The following AK5 variants were observed in gnomAD, a reference collection of about 807,000 sequenced individuals.
The protein encoded by AK5 is adenylate kinase 5, also known as adenylate kinase isoenzyme 5.
A neutral mutation model predicts 69.5 loss-of-function variants in AK5; 27 were observed. The observed-to-expected ratio is 0.39, with a 90% CI of 0.29 to 0.54. The LOEUF is 0.54. Among genes scored for constraint, AK5 ranks in the 20% least tolerant of loss-of-function variants. The pLI is 0.71. For synonymous variants in AK5, 260 were observed against 244.4 expected (o/e 1.06, Z -0.60); for missense variants, 531 against 700.4 (o/e 0.76, Z 2.73).
chr1:77,439,901 A>G (rs1023439100), intron 8 of AK5, among the ~76,000 whole-genome samples: 1 of 150,476 alleles, frequency 6.6e-6, no homozygotes, highest in African/African-American at 2.5e-5. Context: ...TATTGTAAAC[A>G]GTGCTGCAAT....
At chr1:77,454,809 G>A (rs1653372414) in intron 8 of AK5, among the ~76,000 whole-genome samples, 1 of 147,570 alleles carries the variant, frequency 6.8e-6, no homozygotes, top group Admixed American at 6.8e-5. Flanking sequence ...AAATGGATAT[G>A]TTCTCTCTCA....
At position 77,358,018 on chromosome 1, in the gene AK5, T is replaced by TGTGTGTGTGTGAGAGAGAGAGA. The variant is rs762714026; in HGVS notation, c.891+17451_891+17452insTGTGTGTGTGAGAGAGAGAGAG. On this transcript the variant is annotated intron_variant, in intron 6 of 13. Transcript: ENST00000354567. Reference sequence around the variant, plus strand: ...GTGTGTGTGTGTGTGTGTGTGTGTGTGAGAGAGAGAGAGAGAGAGAGACAG... The same window carrying TGTGTGTGTGTGAGAGAGAGAGA: ...GTGTGTGTGTGTGTGTGTGTGTGTGTGTGTGTGTGTGAGAGAGAGAGAGAGAGAGAGAGAGAGAGAGAGACAG... 4.7e-4 allele frequency among the ~76,000 whole-genome samples: 60 copies of TGTGTGTGTGTGAGAGAGAGAGA among 128,268 alleles called. 2 individuals are homozygous for TGTGTGTGTGTGAGAGAGAGAGA. The South Asian group carries it at 5.4e-3, about 12-fold the overall frequency. 84.1% of individuals were successfully genotyped at this position (128,268 alleles called of 152,430 possible).
intron 6 of AK5, among the ~76,000 whole-genome samples, chr1:77,351,378 G>C (rs933435916): frequency 2.0e-5 from 3 of 152,150 alleles, no homozygotes; most frequent in Non-Finnish European, 4.4e-5. Context: ...CTGGGCAACA[G>C]AGCAAGACCC....
intron 2 of AK5, among the ~76,000 whole-genome samples, chr1:77,289,308 T>C (rs1371428082): frequency 1.3e-5 from 2 of 152,176 alleles, no homozygotes; most frequent in African/African-American, 2.4e-5. Flanking sequence ...AATACATTAC[T>C]GCTTTAGTGA....
chr1:77,494,162 T>G (rs562769528), intron 10 of AK5, among the ~76,000 whole-genome samples: 1 of 152,256 alleles, frequency 6.6e-6, no homozygotes, highest in Non-Finnish European at 1.5e-5. Flanking sequence ...ATACTCATTG[T>G]GTCCCTACCC....
At chr1:77,544,650 G>T (rs1051575933) in intron 13 of AK5, among the ~76,000 whole-genome samples, 1 of 151,640 alleles carries the variant, frequency 6.6e-6, no homozygotes, top group Non-Finnish European at 1.5e-5. Flanking sequence ...CTTTACCTCC[G>T]TATCTTGCCC....
intron 6 of AK5, among the ~76,000 whole-genome samples, chr1:77,386,719 C>A (rs1273008396): frequency 6.6e-6 from 1 of 152,158 alleles, no homozygotes; most frequent in African/African-American, 2.4e-5. Context: ...CAGAGGTATT[C>A]AGGGCATCCA....
At chr1:77,448,999 G>T (rs1052550343) in intron 8 of AK5, among the ~76,000 whole-genome samples, 2 of 152,224 alleles carry the variant, frequency 1.3e-5, no homozygotes, top group Non-Finnish European at 2.9e-5. Context: ...GGAGAAGTTT[G>T]CTGCAGGGGC....
chr1:77,308,865 A>G (rs1659790272), intron 5 of AK5, among the ~76,000 whole-genome samples: 1 of 152,082 alleles, frequency 6.6e-6, no homozygotes, highest in South Asian at 2.1e-4. Flanking sequence ...GCTACTCGGA[A>G]GGCTGAGGTG....
At chr1:77,365,141 A>G (rs531125150) in intron 6 of AK5, among the ~76,000 whole-genome samples, 1 of 151,856 alleles carries the variant, frequency 6.6e-6, no homozygotes, top group Middle Eastern at 3.4e-3. Context: ...ATTTTTTCAT[A>G]TATTTGTTGG....
intron 10 of AK5, among the ~76,000 whole-genome samples, chr1:77,500,592 G>A (rs1005784940): frequency 6.6e-6 from 1 of 152,120 alleles, no homozygotes; most frequent in Non-Finnish European, 1.5e-5. Context: ...CAGCCTGAGT[G>A]AGCAACATGG....
chr1:77,389,412 A>G (rs1456573595), intron 6 of AK5, among the ~76,000 whole-genome samples: 1 of 152,214 alleles, frequency 6.6e-6, no homozygotes, highest in Admixed American at 6.5e-5. Flanking sequence ...AGAAGGAAGT[A>G]TCATTATCTG....
At chr1:77,359,190 G>A (rs1354722734) in intron 6 of AK5, among the ~76,000 whole-genome samples, 10 of 151,584 alleles carry the variant, frequency 6.6e-5, no homozygotes, top group South Asian at 2.1e-4. Context: ...GGGAGGCAGA[G>A]CTTACAGTGA....
At chr1:77,434,911 A>G (rs960846507) in intron 8 of AK5, among the ~76,000 whole-genome samples, 1 of 152,186 alleles carries the variant, frequency 6.6e-6, no homozygotes, top group African/African-American at 2.4e-5. Context: ...AGAGGAATAC[A>G]TGGCTCTTTA....
At chr1:77,318,817 A>C (rs1442816385) in intron 5 of AK5, among the ~76,000 whole-genome samples, 1 of 151,828 alleles carries the variant, frequency 6.6e-6, no homozygotes, top group African/African-American at 2.4e-5. Context: ...TCTTCAGCAA[A>C]TTATGTTACA....
At chr1:77,310,892 A>G (rs1288611893) in intron 5 of AK5, among the ~76,000 whole-genome samples, 1 of 152,128 alleles carries the variant, frequency 6.6e-6, no homozygotes, top group Admixed American at 6.5e-5. Flanking sequence ...TTCTTCATTA[A>G]ATAAGGTTTT....
chr1:77,306,496 T>G (rs201689713), intron 5 of AK5, among the ~76,000 whole-genome samples: 2 of 34,258 alleles, frequency 5.8e-5, no homozygotes, highest in Non-Finnish European at 1.2e-4. Context: ...TTTTTTTTGT[T>G]TTTTTTTTTT....
chr1:77,373,040 T>C lies in AK5; in HGVS notation c.891+32472T>C, dbSNP rs1647150062. On this transcript the variant is annotated intron_variant, in intron 6 of 13. Transcript: ENST00000354567. ...TTTGCTTTCTTTATGTCCACACTTT[T>C]AATTATTTTTTTGGAATTGTGTCTA... 3.9e-5 allele frequency among the ~76,000 whole-genome samples: 6 copies of C among 152,242 alleles called. No individual in the cohort carries two copies. In the South Asian group the frequency reaches 1.0e-3, roughly 26 times the overall value.
At chr1:77,341,779 A>G (rs543995800) in intron 6 of AK5, among the ~76,000 whole-genome samples, 1 of 152,350 alleles carries the variant, frequency 6.6e-6, no homozygotes, top group East Asian at 1.9e-4. Context: ...AATTGTTCAC[A>G]ATGCCAGGGT....
Sources: allele counts gnomAD v4.1 joint callset (sites outside exome capture counted in the v4.1 genomes callset), GRCh38; gene constraint gnomAD v4.1.1; transcripts MANE v1.5; gene names NCBI Gene and HGNC (gene_info 2026-07-23, HGNC 2026-07-21).